MXI1: variants seen among roughly 807,000 people sequenced by gnomAD.
The protein encoded by MXI1 is MAX interactor 1, dimerization protein.
In MXI1, 18 loss-of-function variants were observed where a neutral mutation model predicts 36.9. The ratio of observed to expected loss-of-function variants is 0.49; its 90% confidence interval spans 0.34 to 0.72. The LOEUF is 0.72. Among genes scored for constraint, MXI1 ranks in the 30% least tolerant of loss-of-function variants. The pLI is 0.01. For missense variants in MXI1, 304 were observed against 379.1 expected, an observed-to-expected ratio of 0.80 and a Z score of 1.64; for synonymous variants, 160 against 146.7, an observed-to-expected ratio of 1.09 and a Z score of -0.65.
intron 2 of MXI1, among the ~76,000 whole-genome samples, chr10:110,241,418 G>A (rs764367317): frequency 6.6e-6 from 1 of 151,868 alleles, no homozygotes; most frequent in Non-Finnish European, 1.5e-5. Context: ...GAACATTATT[G>A]GAAGGGCTTG....
chr10:110,286,622 T>C lies in MXI1; in HGVS notation c.*1635T>C, dbSNP rs2134489392. On this transcript the variant is annotated 3_prime_UTR_variant, in exon 6 of 6. Coordinates refer to ENST00000332674, the MANE Select transcript of MXI1 (RefSeq NM_130439.3). ...AGGAAAAAGAAAATAAAGACAACCA[T>C]ATTTAGCAGTGCAGTTGAGTTGTGT... 1 of 152,720 alleles carries C rather than the reference T, an allele frequency of 6.5e-6. No individual in the cohort carries two copies. The highest frequency in any genetic ancestry group is 1.5e-5 in the Non-Finnish European group (1 of 68,022). 9.5% of individuals were successfully genotyped at this position (152,720 alleles called of 1,614,324 possible). A position where few individuals can be genotyped will look rare whatever the true frequency, so the allele number is the denominator to read the frequency against.
intron 2 of MXI1, among the ~76,000 whole-genome samples, chr10:110,233,468 G>T (rs1217723258): frequency 1.3e-5 from 2 of 152,064 alleles, no homozygotes; most frequent in South Asian, 2.1e-4. Context: ...GTTCACAGAA[G>T]AATTGAATGA....
At chr10:110,225,116 C>G (rs1175696156) in intron 1 of MXI1, among the ~76,000 whole-genome samples, 1 of 152,196 alleles carries the variant, frequency 6.6e-6, no homozygotes, top group Non-Finnish European at 1.5e-5. Flanking sequence ...AATACACAAA[C>G]CTCGAGAGCA....
rs1166490349 is a variant in MXI1, at chr10:110,216,668, T to TTTTGTTTTGTTTTGTTTTGTTTTG, written c.274+8589_274+8590insGTTTTGTTTTGTTTTGTTTTGTTT. On this transcript the variant is annotated intron_variant, in intron 1 of 5. Coordinates refer to ENST00000332674, the MANE Select transcript of MXI1 (RefSeq NM_130439.3). ...GTCTCCCCTATCTGTGTTTAATGTT[T>TTTTGTTTTGTTTTGTTTTGTTTTG]TTTTTTTTTTTTTTTTTGGAGACAG... 7.9e-4 allele frequency among the ~76,000 whole-genome samples: 71 copies of TTTTGTTTTGTTTTGTTTTGTTTTG among 89,804 alleles called. 1 individual carries two copies. Among genetic ancestry groups the TTTTGTTTTGTTTTGTTTTGTTTTG allele is most frequent in the South Asian group, 6.9e-3 (14 of 2,026 alleles). The allele number at this position is 89,804 out of a possible 152,430, so 58.9% of individuals were successfully genotyped here.
At chr10:110,234,461 C>T (rs1037463444) in intron 2 of MXI1, among the ~76,000 whole-genome samples, 96 of 152,204 alleles carry the variant, frequency 6.3e-4, no homozygotes, top group Non-Finnish European at 6.0e-4. Context: ...TAATTAACAG[C>T]ATTACCCATA....
At chr10:110,278,702 G>T (rs916454993) in intron 3 of MXI1, among the ~76,000 whole-genome samples, 1 of 93,348 alleles carries the variant, frequency 1.1e-5, no homozygotes, top group Non-Finnish European at 1.9e-5. Flanking sequence ...GAGAGGTAGG[G>T]TGTGTGTGTG....
chr10:110,234,805 T>C (rs1855397278), intron 2 of MXI1, among the ~76,000 whole-genome samples: 1 of 152,204 alleles, frequency 6.6e-6, no homozygotes, highest in Non-Finnish European at 1.5e-5. Flanking sequence ...TTAAGAGCAA[T>C]TATTTTAACC....
At chr10:110,281,048 G>GT (rs953697219) in intron 5 of MXI1, among the ~76,000 whole-genome samples, 62 of 152,216 alleles carry the variant, frequency 4.1e-4, no homozygotes, top group African/African-American at 1.5e-3. Context: ...AAGTGACAGA[G>GT]TTTTTTTGTT....
intron 3 of MXI1, among the ~76,000 whole-genome samples, chr10:110,272,641 C>T (rs1856891524): frequency 6.6e-6 from 1 of 151,812 alleles, no homozygotes; most frequent in South Asian, 2.1e-4. Context: ...TATTTGTATA[C>T]AGATAAGCCC....
chr10:110,212,134 G>A (rs1439450786), intron 1 of MXI1, among the ~76,000 whole-genome samples: 1 of 152,194 alleles, frequency 6.6e-6, no homozygotes, highest in Non-Finnish European at 1.5e-5. Context: ...GGAGGAGGTT[G>A]CTTTGGAGGC....
intron 5 of MXI1, among the ~76,000 whole-genome samples, chr10:110,282,646 C>A (rs1394861488): frequency 6.6e-6 from 1 of 152,070 alleles, no homozygotes; most frequent in Non-Finnish European, 1.5e-5. Context: ...ATTTTCATCA[C>A]TATAGCTCTC....
In MXI1 at chr10:110,207,730, G is replaced by A; in HGVS notation, c.-79G>A. On this transcript the variant is annotated 5_prime_UTR_variant, in exon 1 of 6. Coordinates refer to ENST00000332674, the MANE Select transcript of MXI1 (RefSeq NM_130439.3). ...GGCGCCTTCTCTGCTCCAGCCGGCC[G>A]GGTCTCCCTGGGGGCCCGGAGCTCG... 1.0e-6 allele frequency: 1 copy of A among 997,972 alleles called. No homozygotes were observed. The highest frequency in any genetic ancestry group is 6.7e-5 in the East Asian group (1 of 14,878). 61.8% of individuals were successfully genotyped at this position (997,972 alleles called of 1,614,324 possible). A position where few individuals can be genotyped will look rare whatever the true frequency, so the allele number is the denominator to read the frequency against.
chr10:110,209,222 G>A (rs1854444839), intron 1 of MXI1, among the ~76,000 whole-genome samples: 1 of 152,248 alleles, frequency 6.6e-6, no homozygotes, highest in Non-Finnish European at 1.5e-5. Flanking sequence ...AAAGGAGGAA[G>A]GGAACTAGGC....
At chr10:110,210,869 T>TCGCG (rs1002516810) in intron 1 of MXI1, among the ~76,000 whole-genome samples, 1 of 152,136 alleles carries the variant, frequency 6.6e-6, no homozygotes, top group African/African-American at 2.4e-5. Flanking sequence ...TGCGGGTCGC[T>TCGCG]CGGCGCGCGC....
At chr10:110,223,877 C>G (rs897867901) in intron 1 of MXI1, among the ~76,000 whole-genome samples, 1 of 151,220 alleles carries the variant, frequency 6.6e-6, no homozygotes, top group African/African-American at 2.4e-5. Flanking sequence ...TTTGGGTCTG[C>G]TTGCATTTGA....
At chr10:110,236,414 A>G (rs953759882) in intron 2 of MXI1, among the ~76,000 whole-genome samples, 11 of 152,000 alleles carry the variant, frequency 7.2e-5, no homozygotes, top group African/African-American at 2.7e-4. Flanking sequence ...CTTCTTTTTC[A>G]AAAGTTCCTT....
Position 110,208,619 on chromosome 10 carries a change from G to GTC in MXI1, c.274+548_274+549dup, listed in dbSNP as rs904349327. 6.6e-5 allele frequency: 10 copies of GTC among 152,116 alleles called. No individual in the cohort carries two copies. In the East Asian group the frequency reaches 7.7e-4, roughly 12 times the overall value. 9.4% of individuals were successfully genotyped at this position (152,116 alleles called of 1,614,324 possible). On this transcript the variant is annotated intron_variant, in intron 1 of 5. Coordinates refer to ENST00000332674, the MANE Select transcript of MXI1 (RefSeq NM_130439.3). ...CTCTCCACGGCGTGGGCTCGGCTCT[G>GTC]TCTCTCTCTCTCCCTCCTACTTCGC...
chr10:110,269,182 C>T (rs1324598213), intron 3 of MXI1, among the ~76,000 whole-genome samples: 1 of 152,158 alleles, frequency 6.6e-6, no homozygotes, highest in African/African-American at 2.4e-5. Context: ...CACTTTTAAT[C>T]GTTTAGCTCT....
chr10:110,237,238 C>T (rs1034008214), intron 2 of MXI1, among the ~76,000 whole-genome samples: 2 of 152,076 alleles, frequency 1.3e-5, no homozygotes, highest in South Asian at 4.1e-4. Context: ...TAGTACAGTG[C>T]TGGATAGAAG....
Sources: gnomAD v4.1 joint callset for allele counts (sites outside exome capture counted in the v4.1 genomes callset) on GRCh38, gnomAD v4.1.1 for gene constraint, MANE v1.5 for transcripts, NCBI Gene and HGNC (gene_info 2026-07-23, HGNC 2026-07-21) for gene names.